TPRA1: variants seen among roughly 807,000 people sequenced by gnomAD.
TPRA1 encodes the protein transmembrane protein adipocyte-associated 1.
A neutral mutation model predicts 40.1 loss-of-function variants in TPRA1; 28 were observed. The observed-to-expected ratio is 0.70, with a 90% confidence interval of 0.52 to 0.96. The LOEUF is 0.96. Among genes scored for constraint, TPRA1 ranks in the 40% least tolerant of loss-of-function variants. The pLI, the probability that TPRA1 is intolerant of heterozygous loss-of-function variation, is 0.00. For synonymous variants in TPRA1, 219 were observed against 209.7 expected (o/e 1.04, Z -0.38); for missense variants, 441 against 482.6 (o/e 0.91, Z 0.81).
chr3:127,585,472 G>T (rs1293878443), intron 1 of TPRA1, among the ~76,000 whole-genome samples: 1 of 152,220 alleles, frequency 6.6e-6, no homozygotes, highest in Non-Finnish European at 1.5e-5. Context: ...GGACTGAAGT[G>T]GAGGAGGAAC....
Position 127,573,651 on chromosome 3 carries a change from G to A in TPRA1, c.992C>T (p.Ala331Val), listed in dbSNP as rs140399370. 3.8e-5 allele frequency: 62 copies of A among 1,613,326 alleles called. No homozygotes were observed. In the African/African-American group the frequency reaches 7.1e-4, roughly 18 times the overall value. ...EAAGAAGASA[A>V]SYSSTQFDSA... is the part of the protein sequence containing the mutation. ...GTCGAACTGCGTGCTCGAGTAGCTG[G>A]CAGCTGAGGCCCCAGCAGCCCCTGC... The change falls in exon 11 of 11, where the codon GCC becomes GTC. Residue 331 changes from alanine (A) to valine (V), a missense_variant. Physicochemically the swap from Ala to Val is moderately conservative, Grantham distance 64. Transcript: ENST00000355552.
upstream of TPRA1, chr3:127,595,009 C>T (rs1207237944): frequency 2.0e-5 from 3 of 152,474 alleles, no homozygotes; most frequent in East Asian, 5.8e-4. Context: ...CCCAGCTCCT[C>T]ACTCCCCAAG....
chr3:127,598,074 G>C, exon 1 of TPRA1: 1 of 316,050 alleles, frequency 3.2e-6, no homozygotes, highest in Non-Finnish European at 6.1e-6. Flanking sequence ...CCAAAGTGCT[G>C]GGATTACAGG....
rs375353530 is a variant in TPRA1, at chr3:127,572,632, C to T, written c.*889G>A. ...GGCTAAAAATAAGAGCTATCCTTAT[C>T]GTTCATTACTGTACGCCAGCCACTC... On this transcript the variant is annotated 3_prime_UTR_variant, in exon 11 of 11. Coordinates refer to ENST00000355552, the MANE Select transcript of TPRA1 (RefSeq NM_001136053.4). Among the ~76,000 whole-genome samples the T allele has an allele frequency of 2.4e-4, 37 of 152,342 alleles. No individual in the cohort carries two copies. The South Asian group carries it at 3.5e-3, about 14-fold the overall frequency.
chr3:127,576,116 C>G lies in TPRA1; in HGVS notation c.499-66G>C. 7.6e-7 allele frequency: 1 copy of G among 1,314,832 alleles called. No homozygotes were observed. The highest frequency in any genetic ancestry group is 1.1e-6 in the Non-Finnish European group (1 of 922,408). 81.4% of individuals were successfully genotyped at this position (1,314,832 alleles called of 1,614,324 possible). ...AAGGCTTCTCTCTCCCAGGGGCTTT[C>G]CCTGATGCAAAGCCCCCTAAGCTCT... On this transcript the variant is annotated intron_variant, in intron 6 of 10. Coordinates refer to ENST00000355552, the MANE Select transcript of TPRA1 (RefSeq NM_001136053.4). The surrounding 1 kb of genome is among the most constrained non-coding windows in gnomAD (Gnocchi z 4.6).
chr3:127,592,290 T>A (rs1312076527), upstream of TPRA1, among the ~76,000 whole-genome samples: 1 of 150,590 alleles, frequency 6.6e-6, no homozygotes, highest in African/African-American at 2.5e-5. Context: ...ATAACTACCC[T>A]CTGTAAGGTT....
chr3:127,577,624 G>A (rs1410565904), intron 3 of TPRA1, among the ~76,000 whole-genome samples: 1 of 152,090 alleles, frequency 6.6e-6, no homozygotes, highest in Admixed American at 6.5e-5. Context: ...GAGAAGAGGT[G>A]CAGAGACCTC....
Position 127,575,978 on chromosome 3 carries a change from G to A in TPRA1, c.571C>T (p.Arg191Cys), listed in dbSNP as rs370399947. ...CAGGAGCTGACCAGCCAGAACTGGC[G>A]GCCCCCATGGCCATAGATATTAAAG... ...EDFNIYGHGG[R>C]QFWLVSSCFF... Residue 191 changes from arginine (R) to cysteine (C), a missense_variant, in exon 7 of 11, where the codon CGC becomes TGC. Physicochemically the swap from Arg to Cys is radical, Grantham distance 180 (BLOSUM62 -3). Transcript: ENST00000355552. The A allele has an allele frequency of 1.2e-5, 19 of 1,613,924 alleles. No individual in the cohort carries two copies. The highest frequency in any genetic ancestry group is 9.3e-5 in the African/African-American group (7 of 74,928).
intron 1 of TPRA1, chr3:127,587,115 C>A (rs1024049215): frequency 1.3e-5 from 2 of 152,148 alleles, no homozygotes; most frequent in African/African-American, 2.4e-5. Flanking sequence ...TGAAAATCTG[C>A]CCTGAGGCTT....
chr3:127,573,569 G>A lies in TPRA1; in HGVS notation c.1074C>T (p.Gly358=). 1 of 1,613,302 alleles carries A rather than the reference G, an allele frequency of 6.2e-7. No individual in the cohort carries two copies. Among genetic ancestry groups the A allele is most frequent in the Non-Finnish European group, 8.5e-7 (1 of 1,180,000 alleles). Reference sequence around the variant, plus strand: ...GCTCGCTGTCTGTGCTGTTGATGCTGCCAGTGTGGCAGGGCATGGAAGCGA... The same window carrying A: ...GCTCGCTGTCTGTGCTGTTGATGCTACCAGTGTGGCAGGGCATGGAAGCGA... ...DDIASMPCHT[G]SINSTDSERW... The change falls in exon 11 of 11, where the codon GGC becomes GGT. Residue 358 remains glycine (G), a synonymous_variant. Coordinates refer to ENST00000355552, the MANE Select transcript of TPRA1 (RefSeq NM_001136053.4).
Position 127,576,027 on chromosome 3 carries a change from A to T in TPRA1, c.522T>A (p.Pro174=). The T allele has an allele frequency of 6.2e-7, 1 of 1,613,998 alleles. No homozygotes were observed. Among genetic ancestry groups the T allele is most frequent in the Non-Finnish European group, 8.5e-7 (1 of 1,179,994 alleles). Residue 174 remains proline, a synonymous_variant, in exon 7 of 11, where the codon CCT becomes CCA. Coordinates refer to ENST00000355552, the MANE Select transcript of TPRA1 (RefSeq NM_001136053.4). This position sits in a 1 kb window ranked among gnomAD's most constrained non-coding sequence, Gnocchi z 4.6. ...VTQGTLEILY[P]DAHLSAEDFN... Reference sequence around the variant, plus strand: ...AGTCCTCAGCTGAGAGATGGGCATCAGGGTACAGGATCTCCAGGGTCCCCT... The same window carrying T: ...AGTCCTCAGCTGAGAGATGGGCATCTGGGTACAGGATCTCCAGGGTCCCCT...
At chr3:127,575,136 C>A (rs1481063015) in intron 10 of TPRA1, 49 bp downstream of exon 10, 1 of 1,588,716 alleles carries the variant, frequency 6.3e-7, no homozygotes, top group East Asian at 2.2e-5. Flanking sequence ...TGGAAGAAGG[C>A]GCAGTTCCGC....
Position 127,575,210 on chromosome 3 carries a change from CG to C in TPRA1, c.828del (p.Tyr276Ter). ...LYFSFFAPLIYVAFLRGFFGS... is the reference protein window; with the variant it reads ...LYFSFFAPLIXVAFLRGFFGS... ...CCGAAGAAGCCCCGGAGGAAAGCCA[CG>C]TAGATGAGCGGAGCGAAGAAGCTGA... On this transcript the variant is annotated frameshift_variant, in exon 10 of 11. Coordinates refer to ENST00000355552, the MANE Select transcript of TPRA1 (RefSeq NM_001136053.4). LOFTEE classifies it high-confidence loss of function. 1 of 1,614,052 alleles carries C rather than the reference CG, an allele frequency of 6.2e-7. No homozygotes were observed. Among genetic ancestry groups the C allele is most frequent in the Non-Finnish European group, 8.5e-7 (1 of 1,180,000 alleles).
Position 127,572,551 on chromosome 3 carries a change from T to A in TPRA1, c.*970A>T, listed in dbSNP as rs1156749630. 6.6e-6 allele frequency among the ~76,000 whole-genome samples: 1 copy of A among 152,184 alleles called. No individual in the cohort carries two copies. Among genetic ancestry groups the A allele is most frequent in the Admixed American group, 6.5e-5 (1 of 15,288 alleles). ...ACCACACCCATCCTTATGACAAACATCAGTCCCCGAGTCCTGTCTGCTGGG... is the reference window on the plus strand; with the variant it reads ...ACCACACCCATCCTTATGACAAACAACAGTCCCCGAGTCCTGTCTGCTGGG... On this transcript the variant is annotated 3_prime_UTR_variant, in exon 11 of 11. Coordinates refer to ENST00000355552, the MANE Select transcript of TPRA1 (RefSeq NM_001136053.4).
At chr3:127,575,711 A>G in intron 8 of TPRA1, 38 bp downstream of exon 8, 1 of 1,608,284 alleles carries the variant, frequency 6.2e-7, no homozygotes, top group Non-Finnish European at 8.5e-7. Context: ...ACTCCCTCCC[A>G]TCCCCGCCTG....
Position 127,580,169 on chromosome 3 carries a change from G to A in TPRA1, c.-17-6C>T. On this transcript the variant is annotated splice_region_variant and splice_polypyrimidine_tract_variant and intron_variant, in intron 1 of 10. Transcript: ENST00000355552. ...CATCCCGCCAGCAGCCAGCCCTGGG[G>A]GAGTGAGAGCCGCCCAGTGAGCTGT... is the stretch of plus-strand genomic sequence containing the variant. 1 of 1,608,512 alleles carries A rather than the reference G, an allele frequency of 6.2e-7. No individual in the cohort carries two copies. The highest frequency in any genetic ancestry group is 1.1e-5 in the South Asian group (1 of 90,942).
chr3:127,579,171 T>A (rs1372025356), intron 3 of TPRA1, among the ~76,000 whole-genome samples: 1 of 152,212 alleles, frequency 6.6e-6, no homozygotes. Context: ...GTGGTGACAA[T>A]GCAGGCTCTC....
chr3:127,578,565 C>T (rs2073722548), intron 3 of TPRA1, among the ~76,000 whole-genome samples: 1 of 152,228 alleles, frequency 6.6e-6, no homozygotes, highest in African/African-American at 2.4e-5. Context: ...AAAAGGACAT[C>T]TGCCTAGCAT....
Position 127,583,860 on chromosome 3 carries a change from G to A in TPRA1, c.-17-3697C>T, listed in dbSNP as rs112288876. ...TAATTTTTTGTATTTTAGTAGAGAC[G>A]GGGTTTCATCACGTTGGCCAGGATG... On this transcript the variant is annotated intron_variant, in intron 1 of 10. Coordinates refer to ENST00000355552, the MANE Select transcript of TPRA1 (RefSeq NM_001136053.4). Among the ~76,000 whole-genome samples the A allele has an allele frequency of 7.5e-3, 1,134 of 151,990 alleles. 15 individuals carry two copies. The highest frequency in any genetic ancestry group is 0.023 in the African/African-American group (968 of 41,486).
Sources: allele counts gnomAD v4.1 joint callset (sites outside exome capture counted in the v4.1 genomes callset), GRCh38; gene constraint gnomAD v4.1.1; non-coding constraint Gnocchi (gnomAD v3.1); transcripts MANE v1.5; gene names NCBI Gene and HGNC (gene_info 2026-07-23, HGNC 2026-07-21).